Variants in APPBP2 observed in about 807,000 individuals in gnomAD.
APPBP2 encodes amyloid beta precursor protein binding protein 2, also known as amyloid protein-binding protein 2.
APPBP2 carries 15 observed loss-of-function variants against 76.0 expected under a neutral mutation model. The observed-to-expected ratio is 0.20, with a 90% CI of 0.13 to 0.30. APPBP2 has a LOEUF of 0.30. Ranked by LOEUF, APPBP2 falls within the 10% of genes least tolerant of loss-of-function variation. The pLI is 1.00. For missense variants in APPBP2, 401 were observed against 687.2 expected, an observed-to-expected ratio of 0.58 and a Z score of 4.66; for synonymous variants, 222 against 242.2, an observed-to-expected ratio of 0.92 and a Z score of 0.77.
chr17:60,452,472 T>A (rs1005505763), intron 11 of APPBP2, among the ~76,000 whole-genome samples: 41 of 152,304 alleles, frequency 2.7e-4, no homozygotes, highest in Non-Finnish European at 1.0e-4. Context: ...ATATGTTAAT[T>A]TACATGGGCA....
chr17:60,475,211 C>A (rs1429182811), intron 4 of APPBP2, among the ~76,000 whole-genome samples: 1 of 152,086 alleles, frequency 6.6e-6, no homozygotes, highest in Non-Finnish European at 1.5e-5. Context: ...GCCTGGGCGA[C>A]AGAGACTCCA....
chr17:60,468,380 A>G (rs1287050891), intron 4 of APPBP2: 1 of 152,226 alleles, frequency 6.6e-6, no homozygotes, highest in Non-Finnish European at 1.5e-5. Context: ...TGGTTGAAAG[A>G]GAAAAAAATG....
At chr17:60,469,209 C>T (rs1034453105) in intron 4 of APPBP2, among the ~76,000 whole-genome samples, 1 of 151,600 alleles carries the variant, frequency 6.6e-6, no homozygotes, top group African/African-American at 2.4e-5. Flanking sequence ...GCCTGTAGTT[C>T]CAGCTACTTG....
At chr17:60,448,927 G>C (rs374419543) in intron 12 of APPBP2, among the ~76,000 whole-genome samples, 1 of 151,902 alleles carries the variant, frequency 6.6e-6, no homozygotes, top group African/African-American at 2.4e-5. Flanking sequence ...TTAATATTTC[G>C]CATACTCAAA....
chr17:60,452,109 T>C, intron 11 of APPBP2, 64 bp from the exon 12 acceptor site: 2 of 1,466,600 alleles, frequency 1.4e-6, no homozygotes, highest in Admixed American at 3.9e-5. Context: ...TCTTACTCAA[T>C]GAGCAAAACT....
intron 1 of APPBP2, among the ~76,000 whole-genome samples, chr17:60,518,635 C>G (rs2090984192): frequency 6.6e-6 from 1 of 152,004 alleles, no homozygotes; most frequent in East Asian, 1.9e-4. Flanking sequence ...TCCTGAGTAG[C>G]TGGGACCGTA....
chr17:60,454,530 C>T, intron 10 of APPBP2, 38 bp from the exon 11 acceptor site: 1 of 1,382,540 alleles, frequency 7.2e-7, no homozygotes, highest in Non-Finnish European at 9.9e-7. Context: ...ACTTCAAAAC[C>T]ATCTACCAAA....
chr17:60,513,108 G>T, intron 1 of APPBP2: 1 of 258,120 alleles, frequency 3.9e-6, no homozygotes, highest in Non-Finnish European at 7.4e-6. Flanking sequence ...GCTGTGCAGC[G>T]CCTGAAACCC....
intron 1 of APPBP2, among the ~76,000 whole-genome samples, chr17:60,525,460 G>C (rs1177004642): frequency 1.3e-5 from 2 of 152,164 alleles, no homozygotes; most frequent in African/African-American, 4.8e-5. Context: ...AAAATATCCT[G>C]AAGATACGGG....
chr17:60,525,290 C>T (rs561302288), intron 1 of APPBP2, among the ~76,000 whole-genome samples: 6 of 152,184 alleles, frequency 3.9e-5, no homozygotes, highest in African/African-American at 1.4e-4. Context: ...CTAACTCCTT[C>T]CCAATTGGGA....
chr17:60,449,921 C>T (rs920848318), intron 12 of APPBP2, among the ~76,000 whole-genome samples: 3 of 151,892 alleles, frequency 2.0e-5, no homozygotes, highest in African/African-American at 4.8e-5. Flanking sequence ...CTCAGCCTCC[C>T]GAGTAGCTGG....
chr17:60,507,348 A>C (rs545084899), intron 1 of APPBP2, among the ~76,000 whole-genome samples: 152 of 152,056 alleles, frequency 1.0e-3, no homozygotes, highest in Admixed American at 1.6e-3. Flanking sequence ...CAGTCTCCCA[A>C]ATAGCTGGGA....
At position 60,489,282 on chromosome 17, in the gene APPBP2, G is replaced by A. The variant is rs547940456; in HGVS notation, c.379+5184C>T. The stretch of plus-strand genomic sequence containing the variant: ...AAAAAATATGCTCTGAAGTCCCTTC[G>A]GCAACCTGTCTTTGGCTACTACAAA... On this transcript the variant is annotated intron_variant, in intron 3 of 12. Coordinates refer to ENST00000083182, the MANE Select transcript of APPBP2 (RefSeq NM_006380.5). 3.3e-5 allele frequency among the ~76,000 whole-genome samples: 5 copies of A among 149,762 alleles called. No individual in the cohort carries two copies. In the East Asian group the frequency reaches 6.1e-4, roughly 18 times the overall value.
rs372027614 is a variant in APPBP2 at position 60,484,707 on chromosome 17, AC to A, written c.380-5437del. On this transcript the variant is annotated intron_variant, in intron 3 of 12. Coordinates refer to ENST00000083182, the MANE Select transcript of APPBP2 (RefSeq NM_006380.5). ...TGACTTCCTCTCTTCCTATCTGAATACCCTTTATTTCTTTCCCTTGCCTGAC... is the reference window on the plus strand; with the variant it reads ...TGACTTCCTCTCTTCCTATCTGAATACCTTTATTTCTTTCCCTTGCCTGAC... Among the ~76,000 whole-genome samples, 12 of 152,212 alleles carry A rather than the reference AC, an allele frequency of 7.9e-5. No individual in the cohort carries two copies. In the East Asian group the frequency reaches 2.1e-3, roughly 27 times the overall value.
In APPBP2 at chr17:60,479,145, T is replaced by C; in HGVS notation, c.503+3A>G. ...CGTAATTACAGGATATGTTCCAACT[T>C]ACCTCACACAACATTCTACTGCACG... is the stretch of plus-strand genomic sequence containing the variant. On this transcript the variant is annotated splice_donor_region_variant and intron_variant, in intron 4 of 12. Transcript: ENST00000083182. 1 of 1,610,140 alleles carries C rather than the reference T, an allele frequency of 6.2e-7. No individual in the cohort carries two copies. The highest frequency in any genetic ancestry group is 8.5e-7 in the Non-Finnish European group (1 of 1,178,904).
chr17:60,514,012 A>C (rs867335944), intron 1 of APPBP2, among the ~76,000 whole-genome samples: 4 of 151,088 alleles, frequency 2.6e-5, no homozygotes, highest in South Asian at 2.1e-4. Context: ...AAAAAAAAAA[A>C]AAAAAAACAC....
chr17:60,494,050 T>G (rs772177404), intron 3 of APPBP2, among the ~76,000 whole-genome samples: 1 of 152,182 alleles, frequency 6.6e-6, no homozygotes, highest in Non-Finnish European at 1.5e-5. Flanking sequence ...ATGGGAAAAC[T>G]GAGGCTCCGA....
intron 4 of APPBP2, among the ~76,000 whole-genome samples, chr17:60,478,734 C>G (rs1322774425): frequency 6.6e-6 from 1 of 152,136 alleles, no homozygotes; most frequent in African/African-American, 2.4e-5. Flanking sequence ...CCAGCCTGAC[C>G]AACATGGCAA....
rs1296699753 is a variant in APPBP2 at position 60,525,881 on chromosome 17, G to A, written c.51C>T (p.Ala17=). Residue 17 remains alanine, a synonymous_variant, in exon 1 of 13, where the codon GCC becomes GCT. Coordinates refer to ENST00000083182, the MANE Select transcript of APPBP2 (RefSeq NM_006380.5). ...TGTAGTTGTCCACGACAGCGGAGAT[G>A]GCGGTGTTATAGAGAGTCTCTGGGA... is the stretch of plus-strand genomic sequence containing the variant. The part of the protein sequence containing the change: ...EWIPETLYNT[A]ISAVVDNYIR... 6.8e-6 allele frequency: 11 copies of A among 1,614,004 alleles called. No homozygotes were observed. The highest frequency in any genetic ancestry group is 7.6e-6 in the Non-Finnish European group (9 of 1,180,024).
Sources: gnomAD v4.1 joint callset for allele counts (sites outside exome capture counted in the v4.1 genomes callset) on GRCh38, gnomAD v4.1.1 for gene constraint, MANE v1.5 for transcripts, NCBI Gene and HGNC (gene_info 2026-07-23, HGNC 2026-07-21) for gene names.